The following PALM2AKAP2 variants were observed in gnomAD, a reference collection of about 807,000 sequenced individuals.
PALM2AKAP2 encodes PALM2-AKAP2 fusion protein.
PALM2AKAP2 carries 37 observed loss-of-function variants against 71.5 expected under a neutral mutation model. The observed-to-expected ratio is 0.52, with a 90% CI of 0.40 to 0.68. The LOEUF (loss-of-function observed/expected upper bound fraction) is 0.68. Ranked by LOEUF, PALM2AKAP2 falls within the 30% of genes least tolerant of loss-of-function variation. PALM2AKAP2 has a pLI of 0.00. For synonymous variants in PALM2AKAP2, 468 were observed against 478.8 expected, an observed-to-expected ratio of 0.98 and a Z score of 0.29; for missense variants, 1,224 against 1,191.8, an observed-to-expected ratio of 1.03 and a Z score of -0.40.
rs373471900 is a variant in PALM2AKAP2, at chr9:109,895,258, G to C, written c.257+14577G>C. On this transcript the variant is annotated intron_variant, in intron 3 of 9. Transcript: ENST00000302798. ...CTGTTTCATAAACATGACTTTGCGG[G>C]GGCAGCTCAGGCCTTCCATGCAGTG... 2.6e-5 allele frequency among the ~76,000 whole-genome samples: 4 copies of C among 152,204 alleles called. No individual in the cohort carries two copies. The East Asian group carries it at 7.7e-4, about 29-fold the overall frequency.
chr9:110,095,845 A>G (rs1296911215), intron 1 of PALM2AKAP2, among the ~76,000 whole-genome samples: 1 of 152,134 alleles, frequency 6.6e-6, no homozygotes, highest in East Asian at 1.9e-4. Flanking sequence ...CTAGAGTGGG[A>G]CCATCTTGGC....
At chr9:109,837,640 T>C (rs894057754) in intron 1 of PALM2AKAP2, among the ~76,000 whole-genome samples, 3 of 152,008 alleles carry the variant, frequency 2.0e-5, no homozygotes, top group African/African-American at 2.4e-5. Flanking sequence ...ACCCATCTCA[T>C]ATGCAGAGAC....
At chr9:109,906,213 A>G (rs1432668334) in intron 3 of PALM2AKAP2, among the ~76,000 whole-genome samples, 1 of 152,020 alleles carries the variant, frequency 6.6e-6, no homozygotes, top group African/African-American at 2.4e-5. Flanking sequence ...TTGCGGGGGT[A>G]GGGGGGATGG....
intron 1 of PALM2AKAP2, among the ~76,000 whole-genome samples, chr9:110,088,238 C>T (rs893708711): frequency 3.0e-5 from 4 of 134,606 alleles, no homozygotes; most frequent in African/African-American, 1.4e-4. Flanking sequence ...TTGGTGTATG[C>T]CCTATGTAAT....
intron 2 of PALM2AKAP2, among the ~76,000 whole-genome samples, chr9:109,868,108 C>T (rs1358946163): frequency 2.0e-5 from 3 of 152,078 alleles, no homozygotes; most frequent in Admixed American, 6.5e-5. Flanking sequence ...TGAAAGTGTT[C>T]TGTGAGAGCA....
At chr9:110,162,809 C>T (rs1345886937) in intron 3 of PALM2AKAP2, among the ~76,000 whole-genome samples, 1 of 152,154 alleles carries the variant, frequency 6.6e-6, no homozygotes, top group African/African-American at 2.4e-5. Context: ...CTCAAGCGAT[C>T]CTCCTATCTC....
intron 1 of PALM2AKAP2, among the ~76,000 whole-genome samples, chr9:109,800,561 A>G (rs889368858): frequency 1.3e-5 from 2 of 152,088 alleles, no homozygotes; most frequent in African/African-American, 4.8e-5. Context: ...CTAATTGATC[A>G]TGGAATTATT....
intron 6 of PALM2AKAP2, among the ~76,000 whole-genome samples, chr9:109,934,129 G>A (rs74999564): frequency 2.9e-3 from 439 of 152,296 alleles, no homozygotes; most frequent in African/African-American, 9.8e-3. Flanking sequence ...TTGCTTTTCA[G>A]AATTAGGAGA....
intron 1 of PALM2AKAP2, among the ~76,000 whole-genome samples, chr9:109,733,817 G>A (rs559361189): frequency 2.6e-5 from 4 of 152,310 alleles, no homozygotes; most frequent in Admixed American, 2.6e-4. Flanking sequence ...CAGAGTTGGG[G>A]AAAGACTTTT....
intron 1 of PALM2AKAP2, among the ~76,000 whole-genome samples, chr9:110,096,571 C>T (rs2118834258): frequency 6.6e-6 from 1 of 152,298 alleles, no homozygotes; most frequent in South Asian, 2.1e-4. Context: ...CTGGCCTTGG[C>T]TCTTTCTTCT....
intron 2 of PALM2AKAP2, among the ~76,000 whole-genome samples, chr9:109,877,216 G>C (rs944452485): frequency 1.3e-5 from 2 of 152,064 alleles, no homozygotes; most frequent in Non-Finnish European, 2.9e-5. Flanking sequence ...CTTTAGCACA[G>C]GAAGCACCCT....
chr9:110,025,240 A>G, intron 7 of PALM2AKAP2: 1 of 1,137,114 alleles, frequency 8.8e-7, no homozygotes, highest in Non-Finnish European at 1.3e-6. Context: ...CTTGATGTCT[A>G]CAATATCACC....
At chr9:109,942,552 A>T in intron 6 of PALM2AKAP2, 1 of 940,826 alleles carries the variant, frequency 1.1e-6, no homozygotes, top group Non-Finnish European at 1.5e-6. Flanking sequence ...TGCGCACCTC[A>T]CTCTAACACT....
intron 7 of PALM2AKAP2, among the ~76,000 whole-genome samples, chr9:110,036,126 T>C (rs963955732): frequency 1.3e-5 from 2 of 151,950 alleles, no homozygotes; most frequent in Admixed American, 1.3e-4. Flanking sequence ...TAGTAGATAC[T>C]GGGTTTCACC....
chr9:109,871,984 A>G (rs1472060386), intron 2 of PALM2AKAP2, among the ~76,000 whole-genome samples: 1 of 152,280 alleles, frequency 6.6e-6, no homozygotes, highest in Admixed American at 6.5e-5. Context: ...GCTTGTCTCA[A>G]TGTGATTTAT....
intron 1 of PALM2AKAP2, among the ~76,000 whole-genome samples, chr9:109,793,349 G>C (rs1383270594): frequency 1.3e-5 from 2 of 152,208 alleles, no homozygotes; most frequent in Non-Finnish European, 2.9e-5. Context: ...CAAAGAGATT[G>C]CTCAAACTGG....
rs199515775 is a variant in PALM2AKAP2 at position 109,915,149 on chromosome 9, A to T, written c.258-8586A>T. Among the ~76,000 whole-genome samples, 41 of 152,292 alleles carry T rather than the reference A, an allele frequency of 2.7e-4. No homozygotes were observed. The East Asian group carries it at 7.7e-3, about 29-fold the overall frequency. On this transcript the variant is annotated intron_variant, in intron 3 of 9. Transcript: ENST00000302798. ...AACTTGATCTCTGCCCTTTCAAGGG[A>T]TGGAACTCAGATAATGAAAGATATA...
intron 1 of PALM2AKAP2, among the ~76,000 whole-genome samples, chr9:110,054,165 C>G (rs1202938551): frequency 6.6e-6 from 1 of 152,176 alleles, no homozygotes; most frequent in South Asian, 2.1e-4. Context: ...TTTGGGAGGC[C>G]GAGGTGGGTG....
At chr9:109,880,445 GGCAGC>G in intron 2 of PALM2AKAP2, 101 bp from the exon 3 acceptor site, 4 of 1,493,186 alleles carry the variant, frequency 2.7e-6, no homozygotes, top group Non-Finnish European at 3.6e-6. Flanking sequence ...CAGCGATTCA[GGCAGC>G]GCTGGTGAGG....
Sources: gnomAD v4.1 joint callset for allele counts (sites outside exome capture counted in the v4.1 genomes callset) on GRCh38, gnomAD v4.1.1 for gene constraint, MANE v1.5 for transcripts, NCBI Gene and HGNC (gene_info 2026-07-23, HGNC 2026-07-21) for gene names.